Variants in DNMT1 observed in about 807,000 individuals in gnomAD.
DNMT1 encodes DNA (cytosine-5)-methyltransferase 1.
In DNMT1, 24 loss-of-function variants were observed where a neutral mutation model predicts 205.3. The observed-to-expected ratio is 0.12, with a 90% CI of 0.08 to 0.16. The LOEUF (loss-of-function observed/expected upper bound fraction) is 0.16, where lower values mean the gene tolerates loss of function less well. Ranked by LOEUF, DNMT1 falls within the 10% of genes least tolerant of loss-of-function variation. The pLI is 1.00. For missense variants in DNMT1, 1,293 were observed against 2,177.7 expected, an observed-to-expected ratio of 0.59 and a Z score of 8.09; for synonymous variants, 817 against 839.8, an observed-to-expected ratio of 0.97 and a Z score of 0.47.
chr19:10,150,883 G>A (rs749939128), intron 24 of DNMT1, among the ~76,000 whole-genome samples: 1 of 152,082 alleles, frequency 6.6e-6, no homozygotes, highest in Non-Finnish European at 1.5e-5. Flanking sequence ...ACTTGAGGCC[G>A]GAGTTCGAGA....
At chr19:10,194,708 G>A in intron 1 of DNMT1, 112 bp downstream of exon 1, 4 of 1,388,512 alleles carry the variant, frequency 2.9e-6, no homozygotes, top group South Asian at 1.4e-5. Context: ...ACCACCCCAC[G>A]CATGCGCGCC....
At chr19:10,180,722 C>T (rs1471861074) in intron 3 of DNMT1, 56 bp downstream of exon 3, 1 of 1,561,538 alleles carries the variant, frequency 6.4e-7, no homozygotes, top group Non-Finnish European at 8.8e-7. Flanking sequence ...TGGTCACAGA[C>T]AAGTTACTAG....
At chr19:10,182,254 G>A (rs2039062577) in intron 1 of DNMT1, among the ~76,000 whole-genome samples, 177 bp from the exon 2 acceptor site, 1 of 152,028 alleles carries the variant, frequency 6.6e-6, no homozygotes, top group African/African-American at 2.4e-5. Flanking sequence ...CTACTGGAAT[G>A]CCTAATGCTA....
chr19:10,191,245 C>G (rs1375180363), intron 1 of DNMT1, among the ~76,000 whole-genome samples: 1 of 150,956 alleles, frequency 6.6e-6, no homozygotes, highest in African/African-American at 2.4e-5. Context: ...CACACCATTG[C>G]ACTCTAGCCT....
chr19:10,146,535 C>A lies in DNMT1; in HGVS notation c.2721-11G>T. Reference sequence around the variant, plus strand: ...CAGCTCACACAGAATCTGAAGGAAACAAAGGGACAGAAACATAAGGCCCTG... The same window carrying A: ...CAGCTCACACAGAATCTGAAGGAAAAAAAGGGACAGAAACATAAGGCCCTG... On this transcript the variant is annotated splice_polypyrimidine_tract_variant and intron_variant, in intron 27 of 40. Coordinates refer to ENST00000359526, the MANE Select transcript of DNMT1 (RefSeq NM_001130823.3). This position sits in a 1 kb window ranked among gnomAD's most constrained non-coding sequence, Gnocchi z 4.4. The A allele has an allele frequency of 6.2e-7, 1 of 1,613,950 alleles. No individual in the cohort carries two copies.
intron 1 of DNMT1, among the ~76,000 whole-genome samples, chr19:10,192,640 C>G (rs116243343): frequency 1.8e-3 from 279 of 152,254 alleles, no homozygotes; most frequent in African/African-American, 6.2e-3. Flanking sequence ...CGGGCCCAAA[C>G]TTCTCTGAAT....
rs947118403 is a variant in DNMT1, at chr19:10,137,399, C to G, written c.4294-119G>C. On this transcript the variant is annotated intron_variant, in intron 36 of 40. Coordinates refer to ENST00000359526, the MANE Select transcript of DNMT1 (RefSeq NM_001130823.3). This position sits in a 1 kb window ranked among gnomAD's most constrained non-coding sequence, Gnocchi z 6.4. ...GAAGCCCCCTGGGGCTCACGCCCAT[C>G]GGGAAAGAGACAGTCAGGGATATCG... is the stretch of plus-strand genomic sequence containing the variant. 9 of 1,278,406 alleles carry G rather than the reference C, an allele frequency of 7.0e-6. No individual in the cohort carries two copies. The highest frequency in any genetic ancestry group is 4.2e-5 in the Admixed American group (2 of 47,702). 79.2% of individuals were successfully genotyped at this position (1,278,406 alleles called of 1,614,324 possible).
At chr19:10,153,588 G>A (rs1276925710) in intron 22 of DNMT1, among the ~76,000 whole-genome samples, 1 of 150,912 alleles carries the variant, frequency 6.6e-6, no homozygotes, top group Non-Finnish European at 1.5e-5. Flanking sequence ...GGTGAGCTGA[G>A]ATGGTGCCAC....
chr19:10,158,206 G>A (rs1476904735), intron 17 of DNMT1, among the ~76,000 whole-genome samples: 1 of 152,216 alleles, frequency 6.6e-6, no homozygotes, highest in East Asian at 1.9e-4. Context: ...CCTCGGGCAT[G>A]GTTGCCAGCT....
chr19:10,176,028 G>C (rs1042206630), intron 6 of DNMT1, among the ~76,000 whole-genome samples: 2 of 152,084 alleles, frequency 1.3e-5, no homozygotes, highest in African/African-American at 4.8e-5. Flanking sequence ...ATTAGCCAGG[G>C]GTTGTGGCGG....
rs773904198 is a variant in DNMT1 at position 10,154,243 on chromosome 19, CA to C, written c.2019+49del. The stretch of plus-strand genomic sequence containing the variant: ...AGATGGAGCAGTCCTCAGATCAGGC[CA>C]GAGGCTGGGCCACCTTAGGGGAGCG... On this transcript the variant is annotated intron_variant, in intron 22 of 40. Coordinates refer to ENST00000359526, the MANE Select transcript of DNMT1 (RefSeq NM_001130823.3). The surrounding 1 kb of genome is among the most constrained non-coding windows in gnomAD (Gnocchi z 6.3). 2.5e-6 allele frequency: 4 copies of C among 1,593,380 alleles called. No homozygotes were observed. Among genetic ancestry groups the C allele is most frequent in the Non-Finnish European group, 2.6e-6 (3 of 1,161,692 alleles).
Position 10,133,492 on chromosome 19 carries a change from T to C in DNMT1, c.*175A>G. ...CAGAATGCACAAAGTACTGCACAAT[T>C]TGATCACTAAATCATTAGTTGATAA... On this transcript the variant is annotated 3_prime_UTR_variant, in exon 41 of 41. Coordinates refer to ENST00000359526, the MANE Select transcript of DNMT1 (RefSeq NM_001130823.3). The surrounding 1 kb of genome is among the most constrained non-coding windows in gnomAD (Gnocchi z 4.1). 1.4e-6 allele frequency: 1 copy of C among 705,254 alleles called. No individual in the cohort carries two copies. The highest frequency in any genetic ancestry group is 2.4e-6 in the Non-Finnish European group (1 of 410,466). The allele number at this position is 705,254 out of a possible 1,614,324, so 43.7% of individuals were successfully genotyped here. A position where few individuals can be genotyped will look rare whatever the true frequency, so the allele number is the denominator to read the frequency against.
chr19:10,141,528 A>G (rs1050565273), intron 30 of DNMT1: 11 of 383,244 alleles, frequency 2.9e-5, no homozygotes, highest in Non-Finnish European at 5.4e-5. Flanking sequence ...TTAAGGTAAC[A>G]ACACGGAAAG....
chr19:10,140,602 T>C lies in DNMT1; in HGVS notation c.3523+179A>G. 8.8e-7 allele frequency: 1 copy of C among 1,133,364 alleles called. No homozygotes were observed. Among genetic ancestry groups the C allele is most frequent in the Non-Finnish European group, 1.3e-6 (1 of 778,452 alleles). The allele number at this position is 1,133,364 out of a possible 1,614,324, so 70.2% of individuals were successfully genotyped here. A position where few individuals can be genotyped will look rare whatever the true frequency, so the allele number is the denominator to read the frequency against. The stretch of plus-strand genomic sequence containing the variant: ...CCAGGATGGTCTCAAACTCCTGACC[T>C]CATGATCCACCCACCTCGGCCTCCC... On this transcript the variant is annotated intron_variant, in intron 32 of 40. Transcript: ENST00000359526. The surrounding 1 kb of genome is among the most constrained non-coding windows in gnomAD (Gnocchi z 8.4).
chr19:10,143,794 T>C lies in DNMT1; in HGVS notation c.3088A>G (p.Ile1030Val), dbSNP rs764244867. 1.9e-6 allele frequency: 3 copies of C among 1,614,154 alleles called. No individual in the cohort carries two copies. The highest frequency in any genetic ancestry group is 2.2e-5 in the South Asian group (2 of 91,088). ...TAGAACTTGTTGACCCGGATTTTGA[T>C]GTCAGTCTCATTGGGCCTGCCGTTG... ...KSNGRPNETD[I>V]KIRVNKFYRP... The change falls in exon 29 of 41, where the codon ATC (isoleucine) becomes GTC (valine). Residue 1030 changes from isoleucine (I) to valine (V), a missense_variant. Coordinates refer to ENST00000359526, the MANE Select transcript of DNMT1 (RefSeq NM_001130823.3).
At chr19:10,188,692 A>G (rs746996977) in intron 1 of DNMT1, among the ~76,000 whole-genome samples, 3 of 152,190 alleles carry the variant, frequency 2.0e-5, no homozygotes, top group African/African-American at 2.4e-5. Flanking sequence ...GGTGGGCCCA[A>G]TCTAATCACT....
intron 12 of DNMT1, chr19:10,163,086 C>G: frequency 1.7e-6 from 1 of 578,084 alleles, no homozygotes; most frequent in South Asian, 2.0e-5. Context: ...CTCAGCCTTC[C>G]GAGTAGCTGG....
chr19:10,177,766 A>G (rs1175749633), intron 5 of DNMT1, among the ~76,000 whole-genome samples: 1 of 151,976 alleles, frequency 6.6e-6, no homozygotes, highest in Non-Finnish European at 1.5e-5. Context: ...CCCCATCTCT[A>G]CTAAAAATAC....
In DNMT1 at chr19:10,135,837, G is replaced by C; in HGVS notation, c.4672C>G (p.Pro1558Ala). 1 of 1,557,704 alleles carries C rather than the reference G, an allele frequency of 6.4e-7. No individual in the cohort carries two copies. The highest frequency in any genetic ancestry group is 1.2e-5 in the South Asian group (1 of 85,082). ...PMGKQGRVLH[P>A]EQHRVVSVRE... is the part of the protein sequence containing the mutation. ...ACGCTCACCACACGGTGCTGCTCTG[G>C]GTGGAGCACGCGGCCCTGGGGGAAA... Residue 1558 changes from proline to alanine, a missense_variant, in exon 39 of 41, where the codon CCA becomes GCA. Physicochemically the swap from Pro to Ala is conservative, Grantham distance 27. Coordinates refer to ENST00000359526, the MANE Select transcript of DNMT1 (RefSeq NM_001130823.3).
Sources: gnomAD v4.1 joint callset for allele counts (sites outside exome capture counted in the v4.1 genomes callset) on GRCh38, gnomAD v4.1.1 for gene constraint, Gnocchi (gnomAD v3.1) non-coding constraint, MANE v1.5 for transcripts, NCBI Gene and HGNC (gene_info 2026-07-23, HGNC 2026-07-21) for gene names.